The following PCDH15 variants were observed in gnomAD, a reference collection of about 807,000 sequenced individuals.
PCDH15 encodes protocadherin related 15, also known as protocadherin-15.
PCDH15 carries 129 observed loss-of-function variants against 178.5 expected under a neutral mutation model. The ratio of observed to expected loss-of-function variants is 0.72; its 90% CI spans 0.63 to 0.84. The LOEUF (loss-of-function observed/expected upper bound fraction) is 0.84. Among genes scored for constraint, PCDH15 ranks in the 40% least tolerant of loss-of-function variants. The probability of loss-of-function intolerance (pLI) is 0.00; values close to 1 mark genes in which losing one functional copy is unlikely to be tolerated. For synonymous variants in PCDH15, 800 were observed against 732.0 expected, an observed-to-expected ratio of 1.09 and a Z score of -1.50; for missense variants, 2,230 against 2,099.9, an observed-to-expected ratio of 1.06 and a Z score of -1.21.
intron 2 of PCDH15, among the ~76,000 whole-genome samples, chr10:55,460,614 T>C (rs574303813): frequency 9.2e-5 from 14 of 152,206 alleles, no homozygotes; most frequent in African/African-American, 2.9e-4. Flanking sequence ...TTTGAACATA[T>C]ATAGTTGTTG....
intron 1 of PCDH15, among the ~76,000 whole-genome samples, chr10:54,750,094 GTCTC>G (rs986626419): frequency 6.6e-6 from 1 of 151,864 alleles, no homozygotes; most frequent in African/African-American, 2.4e-5. Context: ...CCCTTGCTCT[GTCTC>G]TCTTTCTCTC....
chr10:55,009,612 T>C (rs796451179), intron 2 of PCDH15, among the ~76,000 whole-genome samples: 13 of 152,246 alleles, frequency 8.5e-5, no homozygotes, highest in African/African-American at 2.6e-4. Context: ...TTAATGGCCA[T>C]TTTATGTCTC....
At chr10:54,397,141 TAG>T (rs1276959640) in intron 3 of PCDH15, among the ~76,000 whole-genome samples, 12 of 152,084 alleles carry the variant, frequency 7.9e-5, no homozygotes, top group Non-Finnish European at 1.6e-4. Context: ...TTTATTTTCT[TAG>T]AGTGTTTACT....
At chr10:54,959,002 T>TA (rs1412207436) in intron 2 of PCDH15, among the ~76,000 whole-genome samples, 1 of 151,862 alleles carries the variant, frequency 6.6e-6, no homozygotes, top group Non-Finnish European at 1.5e-5. Context: ...AGGAGTCAAC[T>TA]AATGGATGCC....
At chr10:54,944,785 C>T (rs1922168) in intron 2 of PCDH15, among the ~76,000 whole-genome samples, 29,019 of 151,698 alleles carry the variant, frequency 0.19, 3,231 homozygotes, top group African/African-American at 0.3. Flanking sequence ...GGGGAGAATA[C>T]AAAGGATAGT....
intron 3 of PCDH15, among the ~76,000 whole-genome samples, chr10:54,816,309 C>A (rs1952949555): frequency 6.6e-6 from 1 of 151,908 alleles, no homozygotes; most frequent in Non-Finnish European, 1.5e-5. Flanking sequence ...TCAGTATATG[C>A]AGAAAATTGG....
chr10:54,152,679 G>C (rs1414536434), intron 14 of PCDH15, among the ~76,000 whole-genome samples: 2 of 151,280 alleles, frequency 1.3e-5, no homozygotes, highest in Admixed American at 6.6e-5. Context: ...AAATCTTTTA[G>C]CTTGCTGTGT....
chr10:53,903,148 A>G (rs557292233), intron 26 of PCDH15, 95 bp downstream of exon 26: 18 of 1,405,220 alleles, frequency 1.3e-5, no homozygotes, highest in South Asian at 4.8e-5. Flanking sequence ...TTTATACAGC[A>G]TAAGTATGCA....
At chr10:54,214,845 C>G (rs1680227628) in intron 9 of PCDH15, among the ~76,000 whole-genome samples, 3 of 152,180 alleles carry the variant, frequency 2.0e-5, no homozygotes, top group Admixed American at 1.3e-4. Flanking sequence ...CCCACCTCAG[C>G]TTCCCAAAGT....
intron 2 of PCDH15, among the ~76,000 whole-genome samples, chr10:55,392,979 A>ATGTGTGTG (rs10546546): frequency 1.3e-3 from 193 of 144,154 alleles, no homozygotes; most frequent in African/African-American, 4.0e-3. Context: ...ACTAAAGTGT[A>ATGTGTGTG]TGTGTGTGTG....
At chr10:54,696,113 A>G (rs879279841) in intron 1 of PCDH15, among the ~76,000 whole-genome samples, 1 of 152,062 alleles carries the variant, frequency 6.6e-6, no homozygotes, top group African/African-American at 2.4e-5. Context: ...TGGGCAAAGT[A>G]AATTGAAGAC....
chr10:54,493,427 G>A (rs927057087), intron 3 of PCDH15, among the ~76,000 whole-genome samples: 1 of 151,962 alleles, frequency 6.6e-6, no homozygotes, highest in Non-Finnish European at 1.5e-5. Flanking sequence ...CACAGATATT[G>A]GCATATTGTA....
chr10:55,561,552 G>C (rs1278446205), intron 2 of PCDH15, among the ~76,000 whole-genome samples: 4 of 151,856 alleles, frequency 2.6e-5, no homozygotes, highest in East Asian at 1.9e-4. Context: ...AGTATGATGT[G>C]AGGGCTGATG....
chr10:55,310,506 G>C (rs1443146816), intron 1 of PCDH15, among the ~76,000 whole-genome samples: 1 of 152,000 alleles, frequency 6.6e-6, no homozygotes, highest in African/African-American at 2.4e-5. Flanking sequence ...TTTTGAATCT[G>C]AACTGGTAAA....
At chr10:54,704,148 A>C (rs1422993437) in intron 1 of PCDH15, among the ~76,000 whole-genome samples, 1 of 152,182 alleles carries the variant, frequency 6.6e-6, no homozygotes, top group Non-Finnish European at 1.5e-5. Context: ...AAACTTTAGA[A>C]ACCCTAGAAG....
chr10:55,129,760 A>C (rs993758035), intron 2 of PCDH15, among the ~76,000 whole-genome samples: 1 of 152,166 alleles, frequency 6.6e-6, no homozygotes, highest in Non-Finnish European at 1.5e-5. Context: ...TTGATTTACC[A>C]GATATTTATT....
intron 3 of PCDH15, among the ~76,000 whole-genome samples, chr10:54,820,320 G>A (rs1953017853): frequency 2.0e-5 from 3 of 151,914 alleles, no homozygotes; most frequent in African/African-American, 7.2e-5. Flanking sequence ...AGAAAGTTTC[G>A]TTTTTTAGAG....
chr10:54,087,278 C>T (rs1052529150), intron 16 of PCDH15, among the ~76,000 whole-genome samples: 1 of 152,074 alleles, frequency 6.6e-6, no homozygotes, highest in African/African-American at 2.4e-5. Context: ...TTTTCAACAC[C>T]ATATCTATTA....
At chr10:55,473,411 A>G (rs752913202) in intron 2 of PCDH15, among the ~76,000 whole-genome samples, 1 of 152,158 alleles carries the variant, frequency 6.6e-6, no homozygotes, top group Non-Finnish European at 1.5e-5. Context: ...AATCTCAGCA[A>G]TAAGAATTTT....
Sources: allele counts gnomAD v4.1 joint callset (sites outside exome capture counted in the v4.1 genomes callset), GRCh38; gene constraint gnomAD v4.1.1; transcripts MANE v1.5; gene names NCBI Gene and HGNC (gene_info 2026-07-23, HGNC 2026-07-21).